Variants in TENM2 observed in about 807,000 individuals in gnomAD.
TENM2 encodes teneurin-2.
TENM2 carries 52 observed loss-of-function variants against 245.2 expected under a neutral mutation model. The ratio of observed to expected loss-of-function variants is 0.21; its 90% confidence interval spans 0.17 to 0.27. The LOEUF (loss-of-function observed/expected upper bound fraction) is 0.27. Ranked by LOEUF, TENM2 falls within the 10% of genes least tolerant of loss-of-function variation. The pLI, the probability that TENM2 is intolerant of heterozygous loss-of-function variation, is 1.00. For missense variants in TENM2, 3,046 were observed against 3,666.8 expected (o/e 0.83, Z 4.37); for synonymous variants, 1,363 against 1,438.9 (o/e 0.95, Z 1.19).
intron 2 of TENM2, among the ~76,000 whole-genome samples, chr5:167,396,234 T>C (rs146843125): frequency 5.3e-5 from 8 of 152,036 alleles, no homozygotes; most frequent in African/African-American, 1.9e-4. Flanking sequence ...TATGAGTGGA[T>C]AAAGAAAATG....
chr5:168,236,465 T>G (rs1765431139), intron 25 of TENM2, among the ~76,000 whole-genome samples: 1 of 152,110 alleles, frequency 6.6e-6, no homozygotes, highest in Non-Finnish European at 1.5e-5. Flanking sequence ...TGGAATATTC[T>G]CCCTGATTCT....
intron 2 of TENM2, among the ~76,000 whole-genome samples, chr5:167,584,897 A>C (rs1345953741): frequency 6.6e-6 from 1 of 151,928 alleles, no homozygotes; most frequent in African/African-American, 2.4e-5. Context: ...GCTACACCTA[A>C]GCTTTTAAAC....
chr5:167,429,709 C>T (rs563353492), intron 2 of TENM2, among the ~76,000 whole-genome samples: 125 of 149,780 alleles, frequency 8.3e-4, no homozygotes, highest in African/African-American at 2.3e-3. Context: ...CAGGTTCAAG[C>T]GATTCTCCTG....
At chr5:167,908,749 C>A (rs565579396) in intron 3 of TENM2, among the ~76,000 whole-genome samples, 20 of 150,454 alleles carry the variant, frequency 1.3e-4, no homozygotes, top group African/African-American at 4.6e-4. Context: ...CATATAGGTT[C>A]TCAACAAATA....
At chr5:167,911,863 C>CT (rs1424446970) in intron 3 of TENM2, among the ~76,000 whole-genome samples, 1 of 151,912 alleles carries the variant, frequency 6.6e-6, no homozygotes. Flanking sequence ...AATAAGCTTC[C>CT]TTTTTTAATT....
At chr5:167,557,620 C>G (rs958466759) in intron 2 of TENM2, among the ~76,000 whole-genome samples, 1 of 152,180 alleles carries the variant, frequency 6.6e-6, no homozygotes, top group Non-Finnish European at 1.5e-5. Context: ...TGAGCCCGAT[C>G]CTAGCCTGAG....
intron 2 of TENM2, among the ~76,000 whole-genome samples, chr5:167,857,312 G>C (rs1430564587): frequency 2.0e-5 from 3 of 152,122 alleles, no homozygotes; most frequent in Admixed American, 6.5e-5. Flanking sequence ...GTTTTTCATA[G>C]GACATGGCTA....
chr5:167,437,865 C>T (rs6880579), intron 2 of TENM2, among the ~76,000 whole-genome samples: 7,091 of 152,168 alleles, frequency 0.047, 442 homozygotes, highest in African/African-American at 0.14. Flanking sequence ...TCCGCAGCCA[C>T]GTGGAACTGG....
chr5:168,209,704 A>G (rs1026065568), intron 19 of TENM2, among the ~76,000 whole-genome samples: 6 of 152,244 alleles, frequency 3.9e-5, no homozygotes, highest in African/African-American at 9.6e-5. Context: ...GAGTTAGTCC[A>G]AGGCAAAGTC....
At chr5:168,120,412 A>C in intron 10 of TENM2, among the ~76,000 whole-genome samples, 1 of 152,244 alleles carries the variant, frequency 6.6e-6, no homozygotes, top group East Asian at 1.9e-4. Context: ...AAGAGAGGCC[A>C]ATAATACGAC....
chr5:167,989,013 T>C (rs976213998), intron 4 of TENM2, among the ~76,000 whole-genome samples: 1 of 152,206 alleles, frequency 6.6e-6, no homozygotes, highest in Non-Finnish European at 1.5e-5. Context: ...CTAAAACATT[T>C]CTATTTTCAA....
At chr5:168,231,186 C>T (rs1463780404) in intron 25 of TENM2, 1 of 152,242 alleles carries the variant, frequency 6.6e-6, no homozygotes, top group African/African-American at 2.4e-5. Flanking sequence ...ACAGGGAAGC[C>T]TGGAAAATGT....
chr5:167,932,349 A>G (rs1450707557), intron 3 of TENM2, among the ~76,000 whole-genome samples: 1 of 152,154 alleles, frequency 6.6e-6, no homozygotes, highest in African/African-American at 2.4e-5. Flanking sequence ...TGCTCATGGT[A>G]GCTGTCTCAT....
At chr5:168,060,735 A>G (rs1789964266) in intron 6 of TENM2, among the ~76,000 whole-genome samples, 1 of 152,184 alleles carries the variant, frequency 6.6e-6, no homozygotes, top group African/African-American at 2.4e-5. Context: ...ATATCTTCAA[A>G]TCACTCTGTG....
intron 4 of TENM2, among the ~76,000 whole-genome samples, chr5:167,972,992 C>A (rs1781908438): frequency 6.6e-6 from 1 of 152,108 alleles, no homozygotes; most frequent in African/African-American, 2.4e-5. Context: ...AAACTCCTAA[C>A]CTTTGTTGCC....
At chr5:168,180,732 C>T (rs1287780402) in intron 13 of TENM2, among the ~76,000 whole-genome samples, 7 of 152,138 alleles carry the variant, frequency 4.6e-5, no homozygotes, top group Non-Finnish European at 8.8e-5. Flanking sequence ...CCTGTCTCTA[C>T]TAAAAATAAA....
At chr5:167,424,097 T>C (rs1442084129) in intron 2 of TENM2, among the ~76,000 whole-genome samples, 2 of 152,192 alleles carry the variant, frequency 1.3e-5, no homozygotes, top group East Asian at 3.9e-4. Context: ...GGCCAGAAAA[T>C]CCATTAATTT....
chr5:167,912,483 C>T (rs1034675081), intron 3 of TENM2, among the ~76,000 whole-genome samples: 42 of 152,182 alleles, frequency 2.8e-4, no homozygotes, highest in African/African-American at 9.4e-4. Context: ...GCAGGTAGTA[C>T]AGTGGTAGCA....
the TENM2 span, among the ~76,000 whole-genome samples, chr5:167,112,594 G>T: frequency 2.0e-5 from 3 of 152,272 alleles, no homozygotes; most frequent in Non-Finnish European, 2.9e-5. Context: ...GAACAAAAGA[G>T]AAAAATAGGA....
Sources: gnomAD v4.1 joint callset for allele counts (sites outside exome capture counted in the v4.1 genomes callset) on GRCh38, gnomAD v4.1.1 for gene constraint, MANE v1.5 for transcripts, NCBI Gene and HGNC (gene_info 2026-07-23, HGNC 2026-07-21) for gene names.